AACS: variants seen among roughly 807,000 people sequenced by gnomAD.
AACS encodes the protein acetoacetate-CoA ligase.
AACS carries 69 observed loss-of-function variants against 83.1 expected under a neutral mutation model. The ratio of observed to expected loss-of-function variants is 0.83; its 90% CI spans 0.68 to 1.01. The LOEUF is 1.01. AACS is among the 50% of genes least tolerant of loss of function. AACS has a pLI of 0.00. For missense variants in AACS, 866 were observed against 882.2 expected (o/e 0.98, Z 0.23); for synonymous variants, 333 against 343.4 (o/e 0.97, Z 0.33).
At chr12:125,088,524 C>T (rs2018130) in intron 4 of AACS, among the ~76,000 whole-genome samples, 73,104 of 151,924 alleles carry the variant, frequency 0.48, 18,002 homozygotes, top group East Asian at 0.65. Context: ...TGAGCCACTG[C>T]GTCTAGTCAC....
At chr12:125,067,542 A>ATT (rs35230801) in intron 1 of AACS, among the ~76,000 whole-genome samples, 1 of 148,446 alleles carries the variant, frequency 6.7e-6, no homozygotes, top group African/African-American at 2.5e-5. Context: ...GACTATCTGG[A>ATT]TTTTTTTTTT....
chr12:125,065,561 C>A lies in AACS; in HGVS notation c.-24C>A. The A allele has an allele frequency of 6.7e-7, 1 of 1,500,152 alleles. No homozygotes were observed. The highest frequency in any genetic ancestry group is 8.9e-7 in the Non-Finnish European group (1 of 1,124,652). 92.9% of individuals were successfully genotyped at this position (1,500,152 alleles called of 1,614,324 possible). Reference sequence around the variant, plus strand: ...GGCCCCTGGTCCCCAGCCCTCGTCGCAGCCCCGGCCGCCCGCCGCCGCCAT... The same window carrying A: ...GGCCCCTGGTCCCCAGCCCTCGTCGAAGCCCCGGCCGCCCGCCGCCGCCAT... On this transcript the variant is annotated 5_prime_UTR_variant, in exon 1 of 18. Coordinates refer to ENST00000316519, the MANE Select transcript of AACS (RefSeq NM_023928.5).
At chr12:125,073,829 T>G (rs929465600) in intron 1 of AACS, 47 bp from the exon 2 acceptor site, 1 of 1,502,098 alleles carries the variant, frequency 6.7e-7, no homozygotes, top group African/African-American at 1.4e-5. Flanking sequence ...ATTAATGGAT[T>G]GCCAAGATTT....
intron 3 of AACS, among the ~76,000 whole-genome samples, chr12:125,083,536 G>T (rs545134500): frequency 4.5e-4 from 69 of 152,016 alleles, no homozygotes; most frequent in Middle Eastern, 3.4e-3. Flanking sequence ...GATAACGGGT[G>T]GTTGATCGTT....
chr12:125,129,244 A>G lies in AACS; in HGVS notation c.1424-91A>G, dbSNP rs545379535. On this transcript the variant is annotated intron_variant, in intron 13 of 17. Transcript: ENST00000316519. The surrounding 1 kb of genome is among the most constrained non-coding windows in gnomAD (Gnocchi z 4.3). Reference sequence around the variant, plus strand: ...CCTTTGTATATGTCTGGAATATTGCATAATAAGTAATAGCTTAAGAAAGAG... The same window carrying G: ...CCTTTGTATATGTCTGGAATATTGCGTAATAAGTAATAGCTTAAGAAAGAG... 69 of 1,493,142 alleles carry G rather than the reference A, an allele frequency of 4.6e-5. 1 individual carries two copies. The highest frequency in any genetic ancestry group is 6.7e-5 in the Admixed American group (3 of 44,962). The allele number at this position is 1,493,142 out of a possible 1,614,324, so 92.5% of individuals were successfully genotyped here.
intron 17 of AACS, 66 bp downstream of exon 17, chr12:125,136,930 C>T (rs566942761): frequency 8.6e-5 from 132 of 1,533,466 alleles, no homozygotes; most frequent in South Asian, 7.4e-4. Context: ...CATTGAGGGG[C>T]GCTTACATCT....
rs141566510 is a variant in AACS at position 125,104,849 on chromosome 12, A to G, written c.767+1768A>G. The stretch of plus-strand genomic sequence containing the variant: ...AGAAATACCTGAGACTGGGTAATTT[A>G]TAAGAAAAGAGGTTTAATTGGCTTA... On this transcript the variant is annotated intron_variant, in intron 7 of 17. Coordinates refer to ENST00000316519, the MANE Select transcript of AACS (RefSeq NM_023928.5). 4.8e-3 allele frequency among the ~76,000 whole-genome samples: 736 copies of G among 152,332 alleles called. 3 individuals carry two copies. The highest frequency in any genetic ancestry group is 0.017 in the African/African-American group (715 of 41,562).
At chr12:125,069,882 C>T (rs1366459688) in intron 1 of AACS, among the ~76,000 whole-genome samples, 3 of 152,316 alleles carry the variant, frequency 2.0e-5, no homozygotes, top group Admixed American at 6.5e-5. Context: ...GGGCATTCCA[C>T]GAATGGGGCA....
At chr12:125,128,055 G>T in intron 12 of AACS, 106 bp from the exon 13 acceptor site, 1 of 720,254 alleles carries the variant, frequency 1.4e-6, no homozygotes. Flanking sequence ...TTGTCTGGGA[G>T]AGTAGATATT....
At position 125,129,561 on chromosome 12, in the gene AACS, C is replaced by A; in HGVS notation, c.1549+101C>A. 5 of 1,448,128 alleles carry A rather than the reference C, an allele frequency of 3.5e-6. No homozygotes were observed. Among genetic ancestry groups the A allele is most frequent in the South Asian group, 1.4e-5 (1 of 72,478 alleles). 89.7% of individuals were successfully genotyped at this position (1,448,128 alleles called of 1,614,324 possible). On this transcript the variant is annotated intron_variant, in intron 14 of 17. Coordinates refer to ENST00000316519, the MANE Select transcript of AACS (RefSeq NM_023928.5). This position sits in a 1 kb window ranked among gnomAD's most constrained non-coding sequence, Gnocchi z 4.3. Reference sequence around the variant, plus strand: ...CGTGCCCCTCCCCTCTTCCTTCCCCCACCAGGGCTTGGAGAAGCTGCTTAT... The same window carrying A: ...CGTGCCCCTCCCCTCTTCCTTCCCCAACCAGGGCTTGGAGAAGCTGCTTAT...
intron 8 of AACS, among the ~76,000 whole-genome samples, chr12:125,109,308 G>A (rs1956900537): frequency 6.6e-6 from 1 of 151,906 alleles, no homozygotes; most frequent in South Asian, 2.1e-4. Context: ...GTAGAGATGG[G>A]GTCTTGCTAT....
rs555750991 is a variant in AACS at position 125,108,696 on chromosome 12, C to G, written c.915+1428C>G. 2.6e-5 allele frequency among the ~76,000 whole-genome samples: 4 copies of G among 151,746 alleles called. No homozygotes were observed. The East Asian group carries it at 5.8e-4, about 22-fold the overall frequency. Reference sequence around the variant, plus strand: ...ATTTTATTTTTTTTTGAGATGGAGTCTTGATCTGTCGCCCAGACTGGAGTG... The same window carrying G: ...ATTTTATTTTTTTTTGAGATGGAGTGTTGATCTGTCGCCCAGACTGGAGTG... On this transcript the variant is annotated intron_variant, in intron 8 of 17. Transcript: ENST00000316519.
intron 1 of AACS, among the ~76,000 whole-genome samples, chr12:125,068,719 C>G (rs921598069): frequency 9.2e-4 from 140 of 152,284 alleles, no homozygotes; most frequent in African/African-American, 3.1e-3. Context: ...GCTTGAAGAT[C>G]CAGCTCAAAT....
intron 1 of AACS, among the ~76,000 whole-genome samples, chr12:125,071,687 A>C (rs1336785199): frequency 6.6e-6 from 1 of 152,052 alleles, no homozygotes; most frequent in African/African-American, 2.4e-5. Context: ...GAGAGGGCTG[A>C]GTTGCTGACA....
chr12:125,074,461 T>C (rs7966509), intron 2 of AACS, among the ~76,000 whole-genome samples: 7,360 of 151,838 alleles, frequency 0.048, 442 homozygotes, highest in African/African-American at 0.14. Context: ...GTGGGAGGAT[T>C]GGTTGAGCCC....
At position 125,136,599 on chromosome 12, in the gene AACS, T is replaced by C. The variant is rs1957403518; in HGVS notation, c.1679-63T>C. On this transcript the variant is annotated intron_variant, in intron 16 of 17. Transcript: ENST00000316519. ...CCCCTCCTGCTCTGCCAGGTTGCTG[T>C]GAGGCCCGACCCCACACTGAGGGGC... 2.1e-6 allele frequency: 3 copies of C among 1,458,402 alleles called. No individual in the cohort carries two copies. In the Admixed American group the frequency reaches 5.3e-5, roughly 26 times the overall value. 90.3% of individuals were successfully genotyped at this position (1,458,402 alleles called of 1,614,324 possible).
chr12:125,139,817 C>G (rs1487207464), intron 17 of AACS: 1 of 152,256 alleles, frequency 6.6e-6, no homozygotes, highest in Non-Finnish European at 1.5e-5. Flanking sequence ...GGACAGGAAC[C>G]TTGTGGGTCT....
intron 5 of AACS, among the ~76,000 whole-genome samples, chr12:125,092,964 C>G (rs1448334855): frequency 6.6e-6 from 1 of 152,180 alleles, no homozygotes; most frequent in Non-Finnish European, 1.5e-5. Context: ...TGCCTCTGCT[C>G]CATGTGGCTT....
rs1956562822 is a variant in AACS, at chr12:125,094,623, C to G, written c.570+3100C>G. Among the ~76,000 whole-genome samples, 1 of 152,146 alleles carries G rather than the reference C, an allele frequency of 6.6e-6. No homozygotes were observed. The highest frequency in any genetic ancestry group is 2.4e-5 in the African/African-American group (1 of 41,408). On this transcript the variant is annotated intron_variant, in intron 5 of 17. Transcript: ENST00000316519. The surrounding 1 kb of genome is among the most constrained non-coding windows in gnomAD (Gnocchi z 4.1). ...AACGCGTTTCTGGCCTCCGTCACTC[C>G]CCTGTGCTTTACTTCTACCCATTCC...
Sources: allele counts gnomAD v4.1 joint callset (sites outside exome capture counted in the v4.1 genomes callset), GRCh38; gene constraint gnomAD v4.1.1; non-coding constraint Gnocchi (gnomAD v3.1); transcripts MANE v1.5; gene names NCBI Gene and HGNC (gene_info 2026-07-23, HGNC 2026-07-21).